MYH9: variants seen among roughly 807,000 people sequenced by gnomAD.
The protein encoded by MYH9 is myosin-9.
A neutral mutation model predicts 241.9 loss-of-function variants in MYH9; 29 were observed. The observed-to-expected ratio is 0.12, with a 90% CI of 0.09 to 0.16. MYH9 has a LOEUF of 0.16. Among genes scored for constraint, MYH9 ranks in the 10% least tolerant of loss-of-function variants. The pLI, the probability that MYH9 is intolerant of heterozygous loss-of-function variation, is 1.00. For synonymous variants in MYH9, 1,047 were observed against 1,062.6 expected (o/e 0.99, Z 0.29); for missense variants, 1,803 against 2,595.5 (o/e 0.69, Z 6.63).
At chr22:36,290,144 A>G (rs1305816510) in intron 31 of MYH9, among the ~76,000 whole-genome samples, 1 of 152,142 alleles carries the variant, frequency 6.6e-6, no homozygotes, top group East Asian at 1.9e-4. Flanking sequence ...AGACAGTCAA[A>G]CCGCAGGAGT....
chr22:36,384,488 CAGG>C (rs1264536248), intron 1 of MYH9, among the ~76,000 whole-genome samples: 1 of 139,860 alleles, frequency 7.2e-6, no homozygotes, highest in Non-Finnish European at 1.5e-5. Flanking sequence ...GAGGCTGAGG[CAGG>C]AGAATTGCTT....
chr22:36,333,953 G>A (rs2146377008), intron 3 of MYH9, among the ~76,000 whole-genome samples: 1 of 152,182 alleles, frequency 6.6e-6, no homozygotes, highest in Non-Finnish European at 1.5e-5. Context: ...AGGGGATGGG[G>A]AGCAGAAACA....
At position 36,293,373 on chromosome 22, in the gene MYH9, C is replaced by T. The variant is rs1175064006; in HGVS notation, c.4051G>A (p.Ala1351Thr). ...ATCTGCTTCTCCAGGTTGTGCTTGG[C>T]CTCCTCCTCCTCCTCCAGCTGCTCC... ...FREQLEEEEE[A>T]KHNLEKQIAT... The change falls in exon 30 of 41, where the codon GCC (alanine) becomes ACC (threonine). Residue 1351 changes from alanine (A) to threonine (T), a missense_variant. Transcript: ENST00000216181. The surrounding 1 kb of genome is among the most constrained non-coding windows in gnomAD (Gnocchi z 5.1). 1.9e-6 allele frequency: 3 copies of T among 1,609,114 alleles called. No homozygotes were observed. In the South Asian group the frequency reaches 3.3e-5, roughly 18 times the overall value.
chr22:36,346,683 CCCTTGA>C (rs2017683149), intron 2 of MYH9, among the ~76,000 whole-genome samples: 1 of 152,168 alleles, frequency 6.6e-6, no homozygotes, highest in South Asian at 2.1e-4. Flanking sequence ...GCTGACTGCA[CCCTTGA>C]CCCCCTGGGC....
intron 3 of MYH9, among the ~76,000 whole-genome samples, chr22:36,335,647 G>C (rs1372877865): frequency 6.6e-6 from 1 of 152,230 alleles, no homozygotes; most frequent in Non-Finnish European, 1.5e-5. Flanking sequence ...GGAGAATGTG[G>C]AGAGAAGGAA....
chr22:36,305,221 A>C lies in MYH9; in HGVS notation c.2160-119T>G. On this transcript the variant is annotated intron_variant, in intron 17 of 40. Transcript: ENST00000216181. The surrounding 1 kb of genome is among the most constrained non-coding windows in gnomAD (Gnocchi z 4.7). ...GCAACAGACACAGAATTCTTTACAC[A>C]AACTCTCCTAAGGAAAGAAGACACA... 1 of 903,628 alleles carries C rather than the reference A, an allele frequency of 1.1e-6. No homozygotes were observed. 56.0% of individuals were successfully genotyped at this position (903,628 alleles called of 1,614,324 possible).
intron 3 of MYH9, 113 bp from the exon 4 acceptor site, chr22:36,327,601 C>T: frequency 8.0e-7 from 1 of 1,250,680 alleles, no homozygotes; most frequent in South Asian, 1.2e-5. Context: ...CAGATGCTGT[C>T]TTTGTGGGGA....
At chr22:36,316,405 G>C in intron 12 of MYH9, 112 bp downstream of exon 12, 2 of 1,506,994 alleles carry the variant, frequency 1.3e-6, no homozygotes, top group Admixed American at 1.7e-5. Flanking sequence ...ATGCAAAGGA[G>C]ATGGCCAACT....
intron 23 of MYH9, among the ~76,000 whole-genome samples, chr22:36,299,481 GCTTT>G (rs1021496388): frequency 3.9e-5 from 6 of 152,316 alleles, no homozygotes; most frequent in African/African-American, 1.4e-4. Context: ...TGCTCTCCTT[GCTTT>G]CTGTTCTGTG....
intron 1 of MYH9, among the ~76,000 whole-genome samples, chr22:36,355,757 T>C (rs1410709993): frequency 1.3e-5 from 2 of 152,214 alleles, no homozygotes; most frequent in African/African-American, 4.8e-5. Context: ...CTCAGCCCCG[T>C]GTGGCTTCAA....
chr22:36,346,151 C>CA lies in MYH9; in HGVS notation c.333+2752dup, dbSNP rs56232061. ...TGGGTGACAAAGTGAGACTCCGTCTCAAAAAAAAAAAAAAAAAGAAGGCTG... is the reference window on the plus strand; with the variant it reads ...TGGGTGACAAAGTGAGACTCCGTCTCAAAAAAAAAAAAAAAAAAGAAGGCTG... On this transcript the variant is annotated intron_variant, in intron 2 of 40. Coordinates refer to ENST00000216181, the MANE Select transcript of MYH9 (RefSeq NM_002473.6). Among the ~76,000 whole-genome samples the CA allele has an allele frequency of 5.0e-3, 609 of 121,238 alleles. 3 individuals are homozygous for CA. The highest frequency in any genetic ancestry group is 0.013 in the African/African-American group (442 of 33,112). The allele number at this position is 121,238 out of a possible 152,430, so 79.5% of individuals were successfully genotyped here.
At chr22:36,290,909 G>T (rs1050233167) in intron 31 of MYH9, among the ~76,000 whole-genome samples, 1 of 151,252 alleles carries the variant, frequency 6.6e-6, no homozygotes, top group Non-Finnish European at 1.5e-5. Flanking sequence ...CCCTCTGCCT[G>T]GCAACCGCCC....
At chr22:36,387,621 G>T (rs1246901380) in intron 1 of MYH9, among the ~76,000 whole-genome samples, 186 bp downstream of exon 1, 1 of 151,574 alleles carries the variant, frequency 6.6e-6, no homozygotes, top group Non-Finnish European at 1.5e-5. Flanking sequence ...GCGCCCGCGT[G>T]GGGGTCCCGG....
chr22:36,301,174 AG>A (rs1160751781), intron 21 of MYH9, 117 bp from the exon 22 acceptor site: 14 of 1,034,720 alleles, frequency 1.4e-5, no homozygotes, highest in Admixed American at 1.9e-5. Flanking sequence ...AGACAAAAGT[AG>A]CTTTCATCTG....
At chr22:36,362,519 C>T (rs748266171) in intron 1 of MYH9, among the ~76,000 whole-genome samples, 8 of 152,116 alleles carry the variant, frequency 5.3e-5, no homozygotes, top group Non-Finnish European at 1.2e-4. Flanking sequence ...ATTTCTGAGT[C>T]GCTCTGTTGC....
chr22:36,281,866 A>C lies in MYH9; in HGVS notation c.*802T>G, dbSNP rs528245823. ...ACTTGGGACAAGTCCCTTAACCATT[A>C]AATATATTTGGTCCCCAAGAGTGTT... On this transcript the variant is annotated 3_prime_UTR_variant, in exon 41 of 41. Coordinates refer to ENST00000216181, the MANE Select transcript of MYH9 (RefSeq NM_002473.6). 47 of 230,094 alleles carry C rather than the reference A, an allele frequency of 2.0e-4. No individual in the cohort carries two copies. The highest frequency in any genetic ancestry group is 2.3e-4 in the Non-Finnish European group (27 of 115,862). The allele number at this position is 230,094 out of a possible 1,614,324, so 14.3% of individuals were successfully genotyped here.
At chr22:36,315,683 A>G (rs1405709157) in intron 12 of MYH9, among the ~76,000 whole-genome samples, 1 of 151,862 alleles carries the variant, frequency 6.6e-6, no homozygotes, top group African/African-American at 2.4e-5. Flanking sequence ...GGGAGGTCGA[A>G]GCTGCAGTGA....
chr22:36,368,135 T>C (rs2018038741), intron 1 of MYH9, among the ~76,000 whole-genome samples: 1 of 152,214 alleles, frequency 6.6e-6, no homozygotes, highest in Admixed American at 6.5e-5. Context: ...TATTTAAATG[T>C]CCTGAACCTC....
intron 1 of MYH9, among the ~76,000 whole-genome samples, chr22:36,361,019 T>TTATCTA (rs1181263675): frequency 6.6e-6 from 1 of 152,014 alleles, no homozygotes. Context: ...ACAGGGTGGG[T>TTATCTA]CAATAAAGTG....
Sources: gnomAD v4.1 joint callset for allele counts (sites outside exome capture counted in the v4.1 genomes callset) on GRCh38, gnomAD v4.1.1 for gene constraint, Gnocchi (gnomAD v3.1) non-coding constraint, MANE v1.5 for transcripts, NCBI Gene and HGNC (gene_info 2026-07-23, HGNC 2026-07-21) for gene names.